SNUPN: variants seen among roughly 807,000 people sequenced by gnomAD.
The protein encoded by SNUPN is snurportin-1.
A neutral mutation model predicts 39.2 loss-of-function variants in SNUPN; 31 were observed. The ratio of observed to expected loss-of-function variants is 0.79; its 90% CI spans 0.59 to 1.07. The LOEUF (loss-of-function observed/expected upper bound fraction) is 1.07, where lower values mean the gene tolerates loss of function less well. Among genes scored for constraint, SNUPN ranks in the 50% least tolerant of loss-of-function variants. The pLI, the probability that SNUPN is intolerant of heterozygous loss-of-function variation, is 0.00. For missense variants in SNUPN, 382 were observed against 434.2 expected, an observed-to-expected ratio of 0.88 and a Z score of 1.07; for synonymous variants, 132 against 159.0, an observed-to-expected ratio of 0.83 and a Z score of 1.28.
At chr15:75,600,976 A>G (rs1197543884) in intron 8 of SNUPN, 162 bp downstream of exon 8, 1 of 600,376 alleles carries the variant, frequency 1.7e-6, no homozygotes, top group Non-Finnish European at 3.1e-6. Flanking sequence ...GGTGGAGCTC[A>G]GGCTCTGAAG....
chr15:75,609,350 C>T (rs368793337), intron 5 of SNUPN, among the ~76,000 whole-genome samples: 44 of 151,774 alleles, frequency 2.9e-4, no homozygotes, highest in African/African-American at 8.2e-4. Flanking sequence ...CCACCGCACC[C>T]GGCTAATTTT....
intron 2 of SNUPN, among the ~76,000 whole-genome samples, chr15:75,620,013 T>A (rs2055762576): frequency 6.6e-6 from 1 of 152,196 alleles, no homozygotes; most frequent in Non-Finnish European, 1.5e-5. Flanking sequence ...CCACCCAAAG[T>A]GCTGGGATTA....
At chr15:75,600,273 G>C (rs956560085) in intron 8 of SNUPN, among the ~76,000 whole-genome samples, 8 of 149,952 alleles carry the variant, frequency 5.3e-5, no homozygotes, top group Non-Finnish European at 1.2e-4. Flanking sequence ...TGTGAGGTTT[G>C]TTTTTTGTTT....
Position 75,609,631 on chromosome 15 carries a change from G to C in SNUPN, c.429C>G (p.Thr143=), listed in dbSNP as rs759945165. Residue 143 remains threonine (T), a synonymous_variant, in exon 5 of 9, where the codon ACC becomes ACG. Coordinates refer to ENST00000308588, the MANE Select transcript of SNUPN (RefSeq NM_005701.4). ...ACCTGTTGACACAGTAGCCACTCTT[G>C]GTGTAGGCACTGGTAGAACCCTGCA... ...VASRGSTSAY[T]KSGYCVNRFS... The C allele has an allele frequency of 4.3e-6, 7 of 1,612,838 alleles. No individual in the cohort carries two copies. The highest frequency in any genetic ancestry group is 5.9e-6 in the Non-Finnish European group (7 of 1,179,272).
intron 3 of SNUPN, among the ~76,000 whole-genome samples, chr15:75,616,824 G>T (rs1476326192): frequency 1.3e-5 from 2 of 152,188 alleles, no homozygotes; most frequent in Non-Finnish European, 2.9e-5. Context: ...ACTGAGTCAG[G>T]TTTATTATAG....
At chr15:75,621,284 A>T (rs535175412) in intron 1 of SNUPN, among the ~76,000 whole-genome samples, 4 of 143,742 alleles carry the variant, frequency 2.8e-5, no homozygotes, top group Non-Finnish European at 6.0e-5. Context: ...TTTTTGAGAC[A>T]GGGTCTCTCT....
chr15:75,613,642 C>CAAAAA (rs58623437), intron 3 of SNUPN, among the ~76,000 whole-genome samples: 1 of 128,514 alleles, frequency 7.8e-6, no homozygotes, highest in Admixed American at 8.3e-5. Context: ...GACTCCAACT[C>CAAAAA]AAAAAAAAAA....
At chr15:75,602,147 G>A (rs1335476272) in intron 7 of SNUPN, among the ~76,000 whole-genome samples, 2 of 152,212 alleles carry the variant, frequency 1.3e-5, no homozygotes, top group South Asian at 2.1e-4. Context: ...GGCGGAGCTT[G>A]CAGTGGGCCG....
intron 5 of SNUPN, among the ~76,000 whole-genome samples, chr15:75,609,083 A>G (rs1393746243): frequency 3.4e-5 from 5 of 147,332 alleles, no homozygotes; most frequent in African/African-American, 1.2e-4. Flanking sequence ...GTGAGCCAAT[A>G]TGGTGCCACT....
chr15:75,620,572 G>C (rs1893041077), intron 2 of SNUPN, among the ~76,000 whole-genome samples: 1 of 152,186 alleles, frequency 6.6e-6, no homozygotes, highest in Non-Finnish European at 1.5e-5. Context: ...TGTGGGGAGT[G>C]AAAGTCTGGG....
At chr15:75,623,940 T>C (rs1360407369) in intron 1 of SNUPN, among the ~76,000 whole-genome samples, 1 of 149,618 alleles carries the variant, frequency 6.7e-6, no homozygotes, top group African/African-American at 2.5e-5. Flanking sequence ...TTTTTTTTTT[T>C]TTTTTGAGAC....
At chr15:75,609,494 T>C in intron 5 of SNUPN, 64 bp downstream of exon 5, 1 of 1,350,312 alleles carries the variant, frequency 7.4e-7, no homozygotes, top group Non-Finnish European at 1.1e-6. Context: ...CGGCCCAAAG[T>C]GGGTCTTTAA....
intron 6 of SNUPN, among the ~76,000 whole-genome samples, chr15:75,605,855 T>A (rs1046936656): frequency 4.6e-5 from 7 of 152,142 alleles, no homozygotes; most frequent in Non-Finnish European, 7.3e-5. Context: ...AGCTTCCATA[T>A]CTATATGTCA....
At chr15:75,618,461 T>C (rs1263702416) in intron 2 of SNUPN, among the ~76,000 whole-genome samples, 2 of 152,228 alleles carry the variant, frequency 1.3e-5, no homozygotes, top group Admixed American at 1.3e-4. Flanking sequence ...ATATTTTATT[T>C]ATTTGTTTCC....
chr15:75,617,683 G>T (rs1468459937), intron 2 of SNUPN, 131 bp from the exon 3 acceptor site: 1 of 965,644 alleles, frequency 1.0e-6, no homozygotes, highest in Non-Finnish European at 1.5e-6. Flanking sequence ...CTGGGCTCAA[G>T]TGATCTTCCC....
chr15:75,613,499 C>T (rs376745620), intron 3 of SNUPN, among the ~76,000 whole-genome samples: 5 of 151,134 alleles, frequency 3.3e-5, no homozygotes, highest in South Asian at 2.1e-4. Context: ...AAAAATTAGC[C>T]GGAAGTGGTG....
chr15:75,612,500 G>A (rs1892808781), intron 3 of SNUPN, among the ~76,000 whole-genome samples: 1 of 152,030 alleles, frequency 6.6e-6, no homozygotes, highest in Admixed American at 6.6e-5. Context: ...TAATCTTCAG[G>A]GGGCTGTTTT....
intron 7 of SNUPN, among the ~76,000 whole-genome samples, chr15:75,604,157 CTTTTTTT>C (rs34924144): frequency 8.7e-6 from 1 of 114,942 alleles, no homozygotes. Context: ...TTCCCTTTAA[CTTTTTTT>C]TTTTTTTTTT....
At chr15:75,618,747 C>T (rs756758407) in intron 2 of SNUPN, among the ~76,000 whole-genome samples, 4 of 151,938 alleles carry the variant, frequency 2.6e-5, no homozygotes, top group Non-Finnish European at 4.4e-5. Context: ...TCTTTTATCT[C>T]GAGAATAAAA....
Sources: allele counts gnomAD v4.1 joint callset (sites outside exome capture counted in the v4.1 genomes callset), GRCh38; gene constraint gnomAD v4.1.1; transcripts MANE v1.5; gene names NCBI Gene and HGNC (gene_info 2026-07-23, HGNC 2026-07-21).